Variants in MED27 observed in about 807,000 individuals in gnomAD.
MED27 encodes the protein mediator of RNA polymerase II transcription subunit 27.
A neutral mutation model predicts 38.2 loss-of-function variants in MED27; 30 were observed. The observed-to-expected ratio is 0.79, with a 90% CI of 0.59 to 1.07. MED27 has a LOEUF of 1.07. Among genes scored for constraint, MED27 ranks in the 50% least tolerant of loss-of-function variants. The pLI is 0.00. For synonymous variants in MED27, 122 were observed against 153.5 expected (o/e 0.79, Z 1.52); for missense variants, 289 against 397.5 (o/e 0.73, Z 2.32).
At chr9:131,938,165 C>T (rs369659184) in intron 4 of MED27, among the ~76,000 whole-genome samples, 11 of 152,058 alleles carry the variant, frequency 7.2e-5, no homozygotes, top group Non-Finnish European at 1.2e-4. Context: ...CAATGCTCCC[C>T]GAAGATGAAC....
At chr9:131,970,234 T>G (rs1468512958) in intron 3 of MED27, among the ~76,000 whole-genome samples, 1 of 152,342 alleles carries the variant, frequency 6.6e-6, no homozygotes, top group East Asian at 1.9e-4. Context: ...GCTCCTCTTC[T>G]GTGGACACGT....
At chr9:131,916,554 TACC>T (rs1281370861) in intron 4 of MED27, among the ~76,000 whole-genome samples, 5 of 152,312 alleles carry the variant, frequency 3.3e-5, no homozygotes, top group African/African-American at 1.2e-4. Context: ...TATTGATCAA[TACC>T]ACTGTTCTTC....
intron 5 of MED27, among the ~76,000 whole-genome samples, chr9:131,888,872 C>A (rs150156741): frequency 6.6e-6 from 1 of 152,158 alleles, no homozygotes; most frequent in South Asian, 2.1e-4. Context: ...CACAGTGTTA[C>A]AGGTCTATTA....
intron 2 of MED27, among the ~76,000 whole-genome samples, chr9:132,060,285 T>A (rs531754006): frequency 6.6e-6 from 1 of 152,158 alleles, no homozygotes; most frequent in African/African-American, 2.4e-5. Context: ...ACGTCACCAC[T>A]GGCAGACAGA....
intron 4 of MED27, among the ~76,000 whole-genome samples, chr9:131,930,231 A>G (rs1830560866): frequency 6.6e-6 from 1 of 152,246 alleles, no homozygotes; most frequent in Non-Finnish European, 1.5e-5. Context: ...AACTAGAGAA[A>G]GACAGCAACA....
intron 4 of MED27, among the ~76,000 whole-genome samples, chr9:131,901,180 G>C (rs1315001539): frequency 6.6e-6 from 1 of 152,070 alleles, no homozygotes; most frequent in African/African-American, 2.4e-5. Context: ...TTTAGGAAGT[G>C]TTTTCCTTCA....
intron 3 of MED27, among the ~76,000 whole-genome samples, chr9:131,954,170 G>C (rs763166945): frequency 8.5e-5 from 13 of 152,182 alleles, no homozygotes; most frequent in Non-Finnish European, 1.5e-4. Flanking sequence ...AAATGGACAA[G>C]CACCCTAGGA....
intron 3 of MED27, among the ~76,000 whole-genome samples, chr9:131,976,582 T>C (rs1207851201): frequency 1.3e-5 from 2 of 152,236 alleles, no homozygotes; most frequent in Admixed American, 1.3e-4. Context: ...CAAATAGGCC[T>C]TGCCAATGAA....
intron 4 of MED27, among the ~76,000 whole-genome samples, chr9:131,920,401 T>C (rs184326018): frequency 6.6e-6 from 1 of 152,354 alleles, no homozygotes; most frequent in East Asian, 1.9e-4. Context: ...TTCATCTCTT[T>C]ACACATACAT....
At chr9:132,029,224 C>A (rs917918530) in intron 2 of MED27, among the ~76,000 whole-genome samples, 1 of 152,114 alleles carries the variant, frequency 6.6e-6, no homozygotes, top group Non-Finnish European at 1.5e-5. Flanking sequence ...ATTCTGAAAC[C>A]CTACTCTAGT....
intron 4 of MED27, among the ~76,000 whole-genome samples, chr9:131,912,860 A>T (rs1214649654): frequency 6.6e-6 from 1 of 152,238 alleles, no homozygotes; most frequent in Non-Finnish European, 1.5e-5. Context: ...TGTCTAGCCC[A>T]TTTGCAATTA....
chr9:131,891,831 A>G (rs1347340723), intron 5 of MED27, among the ~76,000 whole-genome samples: 1 of 152,116 alleles, frequency 6.6e-6, no homozygotes, highest in African/African-American at 2.4e-5. Context: ...AGAGATAATG[A>G]GAGCCGGAGA....
intron 2 of MED27, among the ~76,000 whole-genome samples, chr9:132,015,795 G>C (rs946963857): frequency 6.6e-6 from 1 of 151,898 alleles, no homozygotes; most frequent in Non-Finnish European, 1.5e-5. Context: ...CATCAATATC[G>C]CTATAATAAA....
At chr9:132,072,612 A>C (rs1833965477) in intron 2 of MED27, among the ~76,000 whole-genome samples, 1 of 152,056 alleles carries the variant, frequency 6.6e-6, no homozygotes. Flanking sequence ...TAACCAGGGC[A>C]GTCTATACTA....
intron 5 of MED27, among the ~76,000 whole-genome samples, chr9:131,891,543 T>C (rs1839229001): frequency 6.6e-6 from 1 of 152,228 alleles, no homozygotes; most frequent in South Asian, 2.1e-4. Flanking sequence ...ATCAGCAAAC[T>C]GGTTTCCACA....
At chr9:132,035,741 T>C (rs758124860) in intron 2 of MED27, among the ~76,000 whole-genome samples, 16 of 152,186 alleles carry the variant, frequency 1.1e-4, no homozygotes, top group Admixed American at 2.0e-4. Flanking sequence ...GGCAGGAGAA[T>C]TGCTTGAGCC....
chr9:131,900,255 C>A (rs907873904), intron 4 of MED27, among the ~76,000 whole-genome samples: 1 of 152,244 alleles, frequency 6.6e-6, no homozygotes, highest in African/African-American at 2.4e-5. Context: ...GCACTCTGGG[C>A]AGCGAGCGGG....
In MED27 at chr9:131,889,966, A is replaced by G. The variant is rs2131496952; in HGVS notation, c.681+3919T>C. Among the ~76,000 whole-genome samples, 1 of 152,294 alleles carries G rather than the reference A, an allele frequency of 6.6e-6. No individual in the cohort carries two copies. The highest frequency in any genetic ancestry group is 2.1e-4 in the South Asian group (1 of 4,828). ...GGGAGCAGCGACGTCTCCAGCAACA[A>G]CGTGCTCTTGTAGAACACATGTCAG... is the stretch of plus-strand genomic sequence containing the variant. On this transcript the variant is annotated intron_variant, in intron 5 of 7. Transcript: ENST00000292035. This position sits in a 1 kb window ranked among gnomAD's most constrained non-coding sequence, Gnocchi z 4.2.
At chr9:132,054,261 C>T (rs1833526751) in intron 2 of MED27, among the ~76,000 whole-genome samples, 1 of 152,096 alleles carries the variant, frequency 6.6e-6, no homozygotes, top group African/African-American at 2.4e-5. Flanking sequence ...GCGGCACCGC[C>T]CCGCTCCTCT....
Sources: allele counts gnomAD v4.1 joint callset (sites outside exome capture counted in the v4.1 genomes callset), GRCh38; gene constraint gnomAD v4.1.1; non-coding constraint Gnocchi (gnomAD v3.1); transcripts MANE v1.5; gene names NCBI Gene and HGNC (gene_info 2026-07-23, HGNC 2026-07-21).